CACNG2: variants seen among roughly 807,000 people sequenced by gnomAD.
CACNG2 encodes the protein calcium voltage-gated channel auxiliary subunit gamma 2, also known as voltage-dependent calcium channel gamma-2 subunit.
CACNG2 carries 3 observed loss-of-function variants against 25.9 expected under a neutral mutation model. The observed-to-expected ratio is 0.12, with a 90% CI of 0.05 to 0.30. The LOEUF is 0.30. Ranked by LOEUF, CACNG2 falls within the 10% of genes least tolerant of loss-of-function variation. The probability of loss-of-function intolerance (pLI) is 1.00; values close to 1 mark genes in which losing one functional copy is unlikely to be tolerated. For synonymous variants in CACNG2, 167 were observed against 173.3 expected (o/e 0.96, Z 0.29); for missense variants, 341 against 432.5 (o/e 0.79, Z 1.88).
intron 1 of CACNG2, among the ~76,000 whole-genome samples, chr22:36,681,506 G>A (rs537753580): frequency 3.0e-4 from 46 of 152,124 alleles, no homozygotes; most frequent in African/African-American, 1.1e-3. Context: ...AATTAAATTT[G>A]AGCATCAGCC....
intron 1 of CACNG2, among the ~76,000 whole-genome samples, chr22:36,640,416 T>G (rs978766711): frequency 6.6e-6 from 1 of 152,212 alleles, no homozygotes; most frequent in African/African-American, 2.4e-5. Context: ...AGGAGTAAGT[T>G]TCCTTCACGG....
intron 1 of CACNG2, among the ~76,000 whole-genome samples, chr22:36,621,721 C>T (rs1254800249): frequency 6.6e-6 from 1 of 152,192 alleles, no homozygotes; most frequent in Non-Finnish European, 1.5e-5. Context: ...CTCCCCTGTG[C>T]TCCCCTGTGT....
chr22:36,681,727 C>T (rs949317330), intron 1 of CACNG2, among the ~76,000 whole-genome samples: 1 of 152,166 alleles, frequency 6.6e-6, no homozygotes. Context: ...AATGACCAAC[C>T]TGAAAAAGAA....
intron 1 of CACNG2, among the ~76,000 whole-genome samples, chr22:36,678,197 A>G (rs1200140877): frequency 6.6e-6 from 1 of 152,162 alleles, no homozygotes; most frequent in Non-Finnish European, 1.5e-5. Context: ...CCAAACGCCA[A>G]TTTGTGTTGG....
chr22:36,564,447 C>G lies in CACNG2; in HGVS notation c.876G>C (p.Arg292Ser). 6.2e-7 allele frequency: 1 copy of G among 1,614,044 alleles called. No individual in the cohort carries two copies. The highest frequency in any genetic ancestry group is 8.5e-7 in the Non-Finnish European group (1 of 1,179,974). Residue 292 changes from arginine to serine, a missense_variant, in exon 4 of 4, where the codon AGG becomes AGC. By Grantham distance (110) the Arg-to-Ser change is moderately radical (BLOSUM62 -1). Around this residue, in one of 2 missense-constraint regions of CACNG2, gnomAD observed 172 missense variants for 178.1 expected, o/e 0.97. Transcript: ENST00000300105. The surrounding 1 kb of genome is among the most constrained non-coding windows in gnomAD (Gnocchi z 6.7). Reference protein sequence around the residue: ...TTPTATYNSDRDNSFLQVHNC... With the variant: ...TTPTATYNSDSDNSFLQVHNC... ...TGTGAACCTGGAGGAAGCTGTTATC[C>G]CTGTCGGAGTTGTAGGTGGCGGTGG... is the stretch of plus-strand genomic sequence containing the variant.
intron 1 of CACNG2, among the ~76,000 whole-genome samples, chr22:36,643,093 C>T (rs959329405): frequency 7.0e-6 from 1 of 143,438 alleles, no homozygotes; most frequent in Non-Finnish European, 1.5e-5. Context: ...CCTTCTTTCT[C>T]TCTTTCTCTT....
At chr22:36,675,308 T>C (rs908733547) in intron 1 of CACNG2, among the ~76,000 whole-genome samples, 2 of 151,994 alleles carry the variant, frequency 1.3e-5, no homozygotes, top group Non-Finnish European at 2.9e-5. Context: ...GTCCCCAAAG[T>C]GATGGGATTA....
intron 1 of CACNG2, among the ~76,000 whole-genome samples, chr22:36,659,571 G>A (rs1306800059): frequency 1.3e-5 from 2 of 151,006 alleles, no homozygotes; most frequent in East Asian, 3.9e-4. Flanking sequence ...GACCCGGGCT[G>A]AGGGGCAGCA....
At chr22:36,602,594 C>G (rs2145933010) in intron 1 of CACNG2, among the ~76,000 whole-genome samples, 1 of 152,300 alleles carries the variant, frequency 6.6e-6, no homozygotes, top group East Asian at 1.9e-4. Context: ...CCATGTTGGC[C>G]AGGCTGGTCT....
intron 2 of CACNG2, among the ~76,000 whole-genome samples, chr22:36,570,481 C>T (rs754530107): frequency 4.6e-5 from 7 of 152,146 alleles, no homozygotes; most frequent in Admixed American, 1.3e-4. Flanking sequence ...GGCAACAGGC[C>T]GGGCGCGGTG....
At chr22:36,655,286 CT>C (rs1569042321) in intron 1 of CACNG2, among the ~76,000 whole-genome samples, 2 of 152,244 alleles carry the variant, frequency 1.3e-5, no homozygotes, top group East Asian at 3.9e-4. Context: ...AAAATAGTTT[CT>C]ATAAGGAGAA....
At chr22:36,647,453 GGGTGT>G (rs1199717285) in intron 1 of CACNG2, among the ~76,000 whole-genome samples, 1 of 152,070 alleles carries the variant, frequency 6.6e-6, no homozygotes, top group Non-Finnish European at 1.5e-5. Flanking sequence ...AAAATTAGAT[GGGTGT>G]GGTGGCAGGC....
At chr22:36,684,885 G>A (rs1421176542) in intron 1 of CACNG2, among the ~76,000 whole-genome samples, 2 of 152,182 alleles carry the variant, frequency 1.3e-5, no homozygotes, top group Admixed American at 6.5e-5. Context: ...AGGTCTGTCT[G>A]ATGCCCAAAC....
chr22:36,581,448 G>T (rs530779218), intron 2 of CACNG2, among the ~76,000 whole-genome samples: 110 of 152,270 alleles, frequency 7.2e-4, no homozygotes, highest in African/African-American at 2.4e-3. Context: ...CTTAAGCTTG[G>T]CCTGCTGGCT....
In CACNG2 at chr22:36,702,890, C is replaced by G. The variant is rs1455454356; in HGVS notation, c.-314G>C. On this transcript the variant is annotated 5_prime_UTR_variant, in exon 1 of 4. Coordinates refer to ENST00000300105, the MANE Select transcript of CACNG2 (RefSeq NM_006078.5). The stretch of plus-strand genomic sequence containing the variant: ...AAATAAAAAGACACCCCCCACCCCC[C>G]CAAGTGAGATGCCTTAATCTCTTTT... The G allele has an allele frequency of 3.9e-6, 1 of 258,372 alleles. No homozygotes were observed. The highest frequency in any genetic ancestry group is 5.1e-5 in the Admixed American group (1 of 19,658). The allele number at this position is 258,372 out of a possible 1,614,324, so 16.0% of individuals were successfully genotyped here. A position where few individuals can be genotyped will look rare whatever the true frequency, so the allele number is the denominator to read the frequency against.
chr22:36,679,247 T>TTTCCTTC (rs1937064299), intron 1 of CACNG2, among the ~76,000 whole-genome samples: 3 of 147,172 alleles, frequency 2.0e-5, no homozygotes, highest in African/African-American at 5.3e-5. Context: ...TCTTTCTTTC[T>TTTCCTTC]TTTCTTTAAA....
chr22:36,600,835 C>T (rs1935744888), intron 1 of CACNG2, among the ~76,000 whole-genome samples: 1 of 152,148 alleles, frequency 6.6e-6, no homozygotes, highest in African/African-American at 2.4e-5. Flanking sequence ...GCATGAACCA[C>T]CGCTCCCGGC....
intron 2 of CACNG2, among the ~76,000 whole-genome samples, chr22:36,580,051 G>A (rs1324243575): frequency 6.6e-6 from 1 of 152,242 alleles, no homozygotes; most frequent in Non-Finnish European, 1.5e-5. Context: ...CCTGCTGAAT[G>A]CTCACTGGGT....
At chr22:36,620,668 G>A (rs2145949064) in intron 1 of CACNG2, among the ~76,000 whole-genome samples, 1 of 152,292 alleles carries the variant, frequency 6.6e-6, no homozygotes, top group South Asian at 2.1e-4. Flanking sequence ...TGGTGCTAGT[G>A]GTAATTTGTG....
Sources: gnomAD v4.1 joint callset for allele counts (sites outside exome capture counted in the v4.1 genomes callset) on GRCh38, gnomAD v4.1.1 for gene constraint, gnomAD v4.1.1 regional missense constraint, Gnocchi (gnomAD v3.1) non-coding constraint, MANE v1.5 for transcripts, NCBI Gene and HGNC (gene_info 2026-07-23, HGNC 2026-07-21) for gene names.